Variants in ARHGEF10 observed in about 807,000 individuals in gnomAD.
ARHGEF10 encodes the protein Rho guanine nucleotide exchange factor 10, also known as Rho guanine nucleotide exchange factor (GEF) 10.
In ARHGEF10, 140 loss-of-function variants were observed where a neutral mutation model predicts 147.4. The observed-to-expected ratio is 0.95, with a 90% CI of 0.83 to 1.09. The LOEUF (loss-of-function observed/expected upper bound fraction) is 1.09, where lower values mean the gene tolerates loss of function less well. Ranked by LOEUF, ARHGEF10 falls within the 50% of genes least tolerant of loss-of-function variation. The pLI, the probability that ARHGEF10 is intolerant of heterozygous loss-of-function variation, is 0.00. For synonymous variants in ARHGEF10, 902 were observed against 695.8 expected (o/e 1.30, Z -4.67); for missense variants, 2,222 against 1,752.7 (o/e 1.27, Z -4.78).
rs73542949 is a variant in ARHGEF10, at chr8:1,895,079, G to C, written c.1440+507G>C. Reference sequence around the variant, plus strand: ...TTTGCCCTTGGCTGTAGCTTCTGTTGTGTAGATACAGGCTTTCGGCCCTAT... The same window carrying C: ...TTTGCCCTTGGCTGTAGCTTCTGTTCTGTAGATACAGGCTTTCGGCCCTAT... On this transcript the variant is annotated intron_variant, in intron 13 of 28. Transcript: ENST00000349830. Among the ~76,000 whole-genome samples the C allele has an allele frequency of 5.5e-3, 836 of 152,342 alleles. 8 individuals carry two copies. Among genetic ancestry groups the C allele is most frequent in the African/African-American group, 0.018 (740 of 41,572 alleles).
chr8:1,829,336 C>G (rs1205386239), intron 1 of ARHGEF10, among the ~76,000 whole-genome samples: 1 of 152,256 alleles, frequency 6.6e-6, no homozygotes, highest in East Asian at 1.9e-4. Context: ...CTGGCGGGGT[C>G]AGCGGCATGG....
At chr8:1,841,726 G>A (rs1804046686) in intron 1 of ARHGEF10, among the ~76,000 whole-genome samples, 1 of 152,040 alleles carries the variant, frequency 6.6e-6, no homozygotes, top group Non-Finnish European at 1.5e-5. Context: ...TGAGACAATC[G>A]CAGCTGCTGC....
intron 1 of ARHGEF10, among the ~76,000 whole-genome samples, chr8:1,839,959 A>G (rs1214288996): frequency 1.9e-3 from 105 of 56,702 alleles, no homozygotes; most frequent in Middle Eastern, 0.016. Context: ...TCCGGTGTGG[A>G]AGCTGTCTGG....
rs770318576 is a variant in ARHGEF10, at chr8:1,923,047, C to A, written c.2227C>A (p.Gln743Lys). Residue 743 changes from glutamine to lysine, a missense_variant, in exon 19 of 29, where the codon CAG becomes AAG. Gln to Lys is a moderately conservative substitution (Grantham distance 53). Transcript: ENST00000349830. The stretch of plus-strand genomic sequence containing the variant: ...CTTAAATGTAATTGGCCAAATCACT[C>A]AGCTGATAGGAAACCTTAAAGGAAA... The part of the protein sequence containing the change: ...HDLNVIGQIT[Q>K]LIGNLKGNYQ... 11 of 1,612,902 alleles carry A rather than the reference C, an allele frequency of 6.8e-6. No individual in the cohort carries two copies. The East Asian group carries it at 2.5e-4, about 36-fold the overall frequency.
intron 10 of ARHGEF10, 101 bp from the exon 11 acceptor site, chr8:1,885,500 G>C (rs1444646364): frequency 4.9e-6 from 4 of 815,930 alleles, no homozygotes; most frequent in Non-Finnish European, 6.1e-6. Context: ...AAAATTGAAA[G>C]GTCTACACAA....
At chr8:1,938,887 A>G (rs1451534596) in intron 26 of ARHGEF10, among the ~76,000 whole-genome samples, 1 of 151,938 alleles carries the variant, frequency 6.6e-6, no homozygotes, top group East Asian at 1.9e-4. Context: ...GTCCCCAGAA[A>G]CCCCCAAACA....
At chr8:1,930,908 G>A (rs557921624) in intron 25 of ARHGEF10, among the ~76,000 whole-genome samples, 2 of 152,340 alleles carry the variant, frequency 1.3e-5, no homozygotes, top group Non-Finnish European at 2.9e-5. Flanking sequence ...ATCCCTGGCC[G>A]ATCCCTGGCT....
In ARHGEF10 at chr8:1,952,791, C is replaced by T. The variant is rs1175956885; in HGVS notation, c.3484C>T (p.Pro1162Ser). ...CAGCCTGGGAGTCCTCGTGGCCCTGCCGGTCCCACGTCTGCAAGGGATTCC... is the reference window on the plus strand; with the variant it reads ...CAGCCTGGGAGTCCTCGTGGCCCTGTCGGTCCCACGTCTGCAAGGGATTCC... ...GTSLGVLVALPVPRLQGIPKV... is the reference protein window; with the variant it reads ...GTSLGVLVALSVPRLQGIPKV... The change falls in exon 28 of 29, where the codon CCG becomes TCG. Residue 1162 changes from proline to serine, a missense_variant. Transcript: ENST00000349830. The T allele has an allele frequency of 1.9e-6, 3 of 1,613,838 alleles. No homozygotes were observed. The highest frequency in any genetic ancestry group is 2.2e-5 in the South Asian group (2 of 91,088).
At chr8:1,870,926 A>C (rs1319681178) in intron 7 of ARHGEF10, 1 of 152,098 alleles carries the variant, frequency 6.6e-6, no homozygotes, top group Non-Finnish European at 1.5e-5. Context: ...CAGCCGGGCC[A>C]ACATGGTGAA....
intron 26 of ARHGEF10, chr8:1,943,871 G>GC (rs1814308377): frequency 4.9e-5 from 1 of 20,294 alleles, no homozygotes; most frequent in Non-Finnish European, 9.3e-5. Context: ...ATGGCGAGAG[G>GC]TATTACACGG....
At chr8:1,874,440 G>A (rs1807470314) in intron 7 of ARHGEF10, among the ~76,000 whole-genome samples, 1 of 152,232 alleles carries the variant, frequency 6.6e-6, no homozygotes, top group South Asian at 2.1e-4. Flanking sequence ...TCAAAGGGCT[G>A]AAAATCTAAT....
At chr8:1,833,047 C>G (rs1457820497) in intron 1 of ARHGEF10, among the ~76,000 whole-genome samples, 2 of 14,616 alleles carry the variant, frequency 1.4e-4, no homozygotes. Flanking sequence ...GAGACAGAGA[C>G]AGAGGCAGAG....
chr8:1,899,788 G>T (rs542737634), intron 15 of ARHGEF10, among the ~76,000 whole-genome samples: 4 of 152,380 alleles, frequency 2.6e-5, no homozygotes, highest in Non-Finnish European at 4.4e-5. Context: ...GCGAGACGCT[G>T]TTGGCTTCCG....
chr8:1,918,734 A>G (rs146334395), intron 18 of ARHGEF10, among the ~76,000 whole-genome samples: 11 of 152,308 alleles, frequency 7.2e-5, no homozygotes, highest in South Asian at 4.1e-4. Context: ...TCTTGAACCT[A>G]TTCCTCCCAA....
chr8:1,904,818 G>A (rs1810752171), intron 16 of ARHGEF10, among the ~76,000 whole-genome samples: 1 of 144,096 alleles, frequency 6.9e-6, no homozygotes, highest in Admixed American at 6.9e-5. Context: ...TTTTCTTGTG[G>A]GCTGAGTTGT....
At chr8:1,926,123 T>A (rs1258906465) in intron 22 of ARHGEF10, among the ~76,000 whole-genome samples, 1 of 152,208 alleles carries the variant, frequency 6.6e-6, no homozygotes, top group East Asian at 1.9e-4. Flanking sequence ...GCTGCCGGAT[T>A]TCAGTGTGCT....
In ARHGEF10 at chr8:1,855,959, C is replaced by T. The variant is rs190489238; in HGVS notation, c.38-2001C>T. Among the ~76,000 whole-genome samples, 11 of 151,504 alleles carry T rather than the reference C, an allele frequency of 7.3e-5. No homozygotes were observed. In the East Asian group the frequency reaches 1.2e-3, roughly 16 times the overall value. On this transcript the variant is annotated intron_variant, in intron 2 of 28. Transcript: ENST00000349830. ...TTCTGAAATAGGTTTTGTTTACGGT[C>T]GCTTGGGAGACAGTGAGGACTGGTT...
At chr8:1,869,071 C>G (rs558164777) in intron 6 of ARHGEF10, 123 bp from the exon 7 acceptor site, 12 of 857,218 alleles carry the variant, frequency 1.4e-5, no homozygotes, top group South Asian at 1.2e-4. Context: ...AAAAAAAAAA[C>G]TACCCTTATA....
At chr8:1,831,359 C>T (rs1326107000) in intron 1 of ARHGEF10, among the ~76,000 whole-genome samples, 1 of 144,166 alleles carries the variant, frequency 6.9e-6, no homozygotes, top group Non-Finnish European at 1.5e-5. Context: ...CATGGAGGGA[C>T]AGTGTGACAT....
Sources: gnomAD v4.1 joint callset for allele counts (sites outside exome capture counted in the v4.1 genomes callset) on GRCh38, gnomAD v4.1.1 for gene constraint, MANE v1.5 for transcripts, NCBI Gene and HGNC (gene_info 2026-07-23, HGNC 2026-07-21) for gene names.